The following KCNB2 variants were observed in gnomAD, a reference collection of about 807,000 sequenced individuals.
The protein encoded by KCNB2 is potassium voltage-gated channel subfamily B member 2, also known as delayed rectifier potassium channel protein.
A neutral mutation model predicts 61.5 loss-of-function variants in KCNB2; 15 were observed. That is an observed-to-expected ratio of 0.24 (90% CI 0.16 to 0.38). KCNB2 has a LOEUF of 0.38. Among genes scored for constraint, KCNB2 ranks in the 10% least tolerant of loss-of-function variants. The pLI, the probability that KCNB2 is intolerant of heterozygous loss-of-function variation, is 1.00. For synonymous variants in KCNB2, 457 were observed against 446.0 expected, an observed-to-expected ratio of 1.02 and a Z score of -0.31; for missense variants, 828 against 1,125.2, an observed-to-expected ratio of 0.74 and a Z score of 3.78.
intron 2 of KCNB2, among the ~76,000 whole-genome samples, chr8:72,905,583 C>T (rs151018023): frequency 8.6e-5 from 13 of 152,036 alleles, no homozygotes; most frequent in African/African-American, 2.4e-4. Context: ...TCGGTGCAGC[C>T]GACTGCAGTC....
In KCNB2 at chr8:72,661,417, A is replaced by G. The variant is rs932670571; in HGVS notation, c.579+93104A>G. 4.6e-5 allele frequency: 7 copies of G among 152,314 alleles called. No homozygotes were observed. The East Asian group carries it at 1.2e-3, about 25-fold the overall frequency. 9.4% of individuals were successfully genotyped at this position (152,314 alleles called of 1,614,324 possible). On this transcript the variant is annotated intron_variant, in intron 2 of 2. Coordinates refer to ENST00000523207, the MANE Select transcript of KCNB2 (RefSeq NM_004770.3). ...TTCTCTGATGCATTTGTTATATCCA[A>G]TTCCACATGTCCTCACCATTCGTAT...
intron 2 of KCNB2, among the ~76,000 whole-genome samples, chr8:72,874,357 C>G (rs149738907): frequency 6.6e-6 from 1 of 152,290 alleles, no homozygotes; most frequent in East Asian, 1.9e-4. Context: ...ATGATGAACA[C>G]TGACGAGCCA....
intron 2 of KCNB2, among the ~76,000 whole-genome samples, chr8:72,644,440 A>C (rs74592501): frequency 1.4e-3 from 218 of 152,304 alleles, no homozygotes; most frequent in Non-Finnish European, 2.3e-3. Flanking sequence ...ATGAAAATTC[A>C]TTCAACTTGC....
chr8:72,708,254 T>TGGTAAGAAGAAATGTGG (rs1442158981), intron 2 of KCNB2, among the ~76,000 whole-genome samples: 1 of 152,166 alleles, frequency 6.6e-6, no homozygotes. Context: ...CCAGCACAGA[T>TGGTAAGAAGAAATGTGG]GGTAAGAAGA....
intron 2 of KCNB2, among the ~76,000 whole-genome samples, chr8:72,890,607 A>C (rs1563414938): frequency 6.6e-6 from 1 of 152,144 alleles, no homozygotes; most frequent in Non-Finnish European, 1.5e-5. Flanking sequence ...GGAAAAAGTA[A>C]ATGTGCATAA....
At chr8:72,911,203 A>T (rs1425182233) in intron 2 of KCNB2, among the ~76,000 whole-genome samples, 1 of 152,200 alleles carries the variant, frequency 6.6e-6, no homozygotes. Flanking sequence ...ACTAGATCCC[A>T]TTTCAGGGTC....
intron 2 of KCNB2, among the ~76,000 whole-genome samples, chr8:72,758,315 C>T (rs1171402174): frequency 6.6e-6 from 1 of 152,162 alleles, no homozygotes; most frequent in Admixed American, 6.5e-5. Context: ...TCTCCATTTG[C>T]ACTTGGCAGC....
chr8:72,732,111 G>A (rs998797574), intron 2 of KCNB2: 2 of 152,234 alleles, frequency 1.3e-5, no homozygotes, highest in African/African-American at 2.4e-5. Flanking sequence ...GGTACAGGGT[G>A]TTTTGTTTAT....
At chr8:72,646,520 A>G (rs1313579137) in intron 2 of KCNB2, among the ~76,000 whole-genome samples, 1 of 152,196 alleles carries the variant, frequency 6.6e-6, no homozygotes, top group East Asian at 1.9e-4. Context: ...AAATTGATCA[A>G]AAAGTAATTC....
At chr8:72,685,701 A>AGG (rs1216576269) in intron 2 of KCNB2, among the ~76,000 whole-genome samples, 20 of 152,334 alleles carry the variant, frequency 1.3e-4, no homozygotes, top group African/African-American at 4.8e-4. Context: ...CAGTATAAGA[A>AGG]GGTCCAGGCC....
chr8:72,893,583 C>G (rs1805936504), intron 2 of KCNB2, among the ~76,000 whole-genome samples: 1 of 152,122 alleles, frequency 6.6e-6, no homozygotes, highest in Admixed American at 6.6e-5. Context: ...TAGTGCTTAT[C>G]AAAATTAGTT....
intron 2 of KCNB2, among the ~76,000 whole-genome samples, chr8:72,793,977 C>T (rs910731851): frequency 6.6e-6 from 1 of 152,072 alleles, no homozygotes; most frequent in Non-Finnish European, 1.5e-5. Context: ...AGGGTAAGGA[C>T]GTAAGGAAAT....
intron 2 of KCNB2, among the ~76,000 whole-genome samples, chr8:72,685,664 G>A (rs1246677854): frequency 2.6e-5 from 4 of 152,114 alleles, no homozygotes; most frequent in African/African-American, 7.2e-5. Context: ...GTTGAGTCAC[G>A]GTCTGAATGG....
chr8:72,686,059 C>T (rs1457773740), intron 2 of KCNB2, among the ~76,000 whole-genome samples: 1 of 152,202 alleles, frequency 6.6e-6, no homozygotes, highest in Non-Finnish European at 1.5e-5. Flanking sequence ...AACATAAGTT[C>T]AAGATGCCTG....
intron 2 of KCNB2, among the ~76,000 whole-genome samples, chr8:72,677,396 A>G (rs1806673941): frequency 6.6e-6 from 1 of 152,096 alleles, no homozygotes; most frequent in African/African-American, 2.4e-5. Flanking sequence ...CCTCAGGACA[A>G]TTTCCCCTCT....
chr8:72,672,108 G>A (rs937634372), intron 2 of KCNB2, among the ~76,000 whole-genome samples: 6 of 152,176 alleles, frequency 3.9e-5, no homozygotes, highest in Non-Finnish European at 8.8e-5. Context: ...TAGCAAGGAA[G>A]TGACAATTCA....
At chr8:72,725,591 G>GTATGTGTGTATATATATATA in intron 2 of KCNB2, among the ~76,000 whole-genome samples, 1 of 51,952 alleles carries the variant, frequency 1.9e-5, no homozygotes, top group African/African-American at 6.5e-5. Context: ...ATATATGTAT[G>GTATGTGTGTATATATATATA]TATATATATA....
In KCNB2 at chr8:72,757,212, A is replaced by T. The variant is rs564455008; in HGVS notation, c.580-178723A>T. On this transcript the variant is annotated intron_variant, in intron 2 of 2. Coordinates refer to ENST00000523207, the MANE Select transcript of KCNB2 (RefSeq NM_004770.3). ...GAAAGACAAAGGAGCAGACAGTTTC[A>T]GGAGGAGAACTCAGCAGGTCCAATG... 2.3e-4 allele frequency among the ~76,000 whole-genome samples: 35 copies of T among 152,290 alleles called. 1 individual carries two copies. The South Asian group carries it at 7.2e-3, about 32-fold the overall frequency.
intron 2 of KCNB2, among the ~76,000 whole-genome samples, chr8:72,765,349 AC>A (rs1808444570): frequency 6.6e-6 from 1 of 152,136 alleles, no homozygotes; most frequent in African/African-American, 2.4e-5. Context: ...TTTCACCACC[AC>A]TATCTTTTCT....
Sources: allele counts gnomAD v4.1 joint callset (sites outside exome capture counted in the v4.1 genomes callset), GRCh38; gene constraint gnomAD v4.1.1; transcripts MANE v1.5; gene names NCBI Gene and HGNC (gene_info 2026-07-23, HGNC 2026-07-21).